KLHL8: variants seen among roughly 807,000 people sequenced by gnomAD.
KLHL8 encodes the protein kelch-like protein 8.
A neutral mutation model predicts 63.5 loss-of-function variants in KLHL8; 38 were observed. That is an observed-to-expected ratio of 0.60 (90% CI 0.46 to 0.78). KLHL8 has a LOEUF of 0.78. KLHL8 is among the 30% of genes least tolerant of loss of function. The probability of loss-of-function intolerance (pLI) is 0.00; values close to 1 mark genes in which losing one functional copy is unlikely to be tolerated. For synonymous variants in KLHL8, 224 were observed against 254.3 expected (o/e 0.88, Z 1.13); for missense variants, 566 against 752.4 (o/e 0.75, Z 2.90).
At chr4:87,219,280 G>A (rs1321652452) in intron 1 of KLHL8, among the ~76,000 whole-genome samples, 1 of 152,188 alleles carries the variant, frequency 6.6e-6, no homozygotes, top group Non-Finnish European at 1.5e-5. Flanking sequence ...GTACCCAAGA[G>A]TACCGCAGGG....
Position 87,195,517 on chromosome 4 carries a change from C to T in KLHL8, c.23G>A (p.Ser8Asn). Residue 8 changes from serine to asparagine, a missense_variant, in exon 2 of 10, where the codon AGT becomes AAT. Ser to Asn is a conservative substitution (Grantham distance 46, BLOSUM62 1). Transcript: ENST00000273963. MASDSMS[S>N]KQARNHITKG... ...TGTAATGTGATTCCTAGCTTGTTTA[C>T]TACTCATAGAATCTGAAGCCATTTG... is the stretch of plus-strand genomic sequence containing the variant. 1 of 1,613,356 alleles carries T rather than the reference C, an allele frequency of 6.2e-7. No individual in the cohort carries two copies. Among genetic ancestry groups the T allele is most frequent in the Non-Finnish European group, 8.5e-7 (1 of 1,179,830 alleles).
In KLHL8 at chr4:87,192,557, C is replaced by G. The variant is rs903757110; in HGVS notation, c.216+2767G>C. Reference sequence around the variant, plus strand: ...GCTACGCAGGCTTATATCCCAGCAACAACAAGCTATACCATATAGCCTATG... The same window carrying G: ...GCTACGCAGGCTTATATCCCAGCAAGAACAAGCTATACCATATAGCCTATG... On this transcript the variant is annotated intron_variant, in intron 2 of 9. Transcript: ENST00000273963. 3.9e-5 allele frequency among the ~76,000 whole-genome samples: 6 copies of G among 152,214 alleles called. No individual in the cohort carries two copies. In the South Asian group the frequency reaches 8.3e-4, roughly 21 times the overall value.
intron 1 of KLHL8, among the ~76,000 whole-genome samples, chr4:87,198,518 G>C (rs1211671057): frequency 1.3e-5 from 2 of 152,194 alleles, no homozygotes; most frequent in Non-Finnish European, 2.9e-5. Context: ...ATTGAAACAT[G>C]TAACAACCGG....
chr4:87,193,653 C>T (rs1731579841), intron 2 of KLHL8, among the ~76,000 whole-genome samples: 2 of 152,120 alleles, frequency 1.3e-5, no homozygotes, highest in Admixed American at 1.3e-4. Flanking sequence ...GTATTAGGCA[C>T]TATATATAAC....
intron 3 of KLHL8, among the ~76,000 whole-genome samples, chr4:87,184,836 AATCT>A (rs1731190245): frequency 6.6e-6 from 1 of 152,166 alleles, no homozygotes; most frequent in South Asian, 2.1e-4. Context: ...TTACATAATA[AATCT>A]ATCCACATTA....
At chr4:87,181,979 A>T (rs1048904720) in intron 4 of KLHL8, among the ~76,000 whole-genome samples, 34 of 152,150 alleles carry the variant, frequency 2.2e-4, no homozygotes, top group African/African-American at 8.0e-4. Flanking sequence ...CTGTAATCCC[A>T]GCACTTCGGG....
intron 1 of KLHL8, chr4:87,207,953 C>G: frequency 1.2e-6 from 1 of 838,214 alleles, no homozygotes; most frequent in East Asian, 2.5e-5. Context: ...AACAGCAACA[C>G]GCACTCTTCC....
intron 1 of KLHL8, among the ~76,000 whole-genome samples, chr4:87,225,710 T>C (rs559000124): frequency 6.6e-6 from 1 of 152,208 alleles, no homozygotes; most frequent in African/African-American, 2.4e-5. Flanking sequence ...CTATTTTAGG[T>C]AGTTTGGGGG....
chr4:87,186,045 ATTTT>A (rs574394669), intron 2 of KLHL8, among the ~76,000 whole-genome samples: 2,007 of 149,214 alleles, frequency 0.013, 47 homozygotes, highest in African/African-American at 0.047. Flanking sequence ...TTAAAAAAAA[ATTTT>A]TTTTTTTGAG....
chr4:87,216,496 T>C (rs965146256), intron 1 of KLHL8, among the ~76,000 whole-genome samples: 1 of 152,098 alleles, frequency 6.6e-6, no homozygotes, highest in Non-Finnish European at 1.5e-5. Context: ...ATTTAATTTT[T>C]CCCCAGAAAA....
intron 1 of KLHL8, chr4:87,207,383 G>C (rs1369981983): frequency 3.0e-6 from 2 of 670,838 alleles, no homozygotes; most frequent in African/African-American, 3.5e-5. Flanking sequence ...GAGTCCACTG[G>C]TGTTTTCACC....
intron 2 of KLHL8, among the ~76,000 whole-genome samples, chr4:87,186,287 AT>A (rs2109995812): frequency 6.6e-6 from 1 of 152,134 alleles, no homozygotes; most frequent in East Asian, 1.9e-4. Flanking sequence ...GCCTCAACTG[AT>A]TCACCTGCCT....
At chr4:87,212,852 G>C (rs1207752492) in intron 1 of KLHL8, among the ~76,000 whole-genome samples, 3 of 152,162 alleles carry the variant, frequency 2.0e-5, no homozygotes, top group Non-Finnish European at 4.4e-5. Flanking sequence ...ACACCACAGA[G>C]CCTAGGTGTG....
chr4:87,168,191 C>T (rs1730478972), intron 8 of KLHL8, among the ~76,000 whole-genome samples: 1 of 152,128 alleles, frequency 6.6e-6, no homozygotes, highest in Non-Finnish European at 1.5e-5. Context: ...GAAAGGCCCC[C>T]TTTTCCCAGC....
intron 1 of KLHL8, among the ~76,000 whole-genome samples, chr4:87,231,627 C>T (rs1318974177): frequency 5.3e-5 from 8 of 151,820 alleles, no homozygotes; most frequent in Non-Finnish European, 1.0e-4. Flanking sequence ...GATGGAGTCT[C>T]GCTCTGTCAC....
At chr4:87,178,783 C>T (rs912432369) in intron 4 of KLHL8, among the ~76,000 whole-genome samples, 163 bp from the exon 5 acceptor site, 30 of 152,194 alleles carry the variant, frequency 2.0e-4, no homozygotes, top group African/African-American at 7.2e-4. Context: ...CTTCTTGTCC[C>T]CTCAAAGAAT....
intron 1 of KLHL8, among the ~76,000 whole-genome samples, chr4:87,233,855 A>C (rs1387801375): frequency 1.3e-5 from 2 of 151,976 alleles, no homozygotes; most frequent in African/African-American, 4.8e-5. Context: ...TTGATTTTCT[A>C]TTTTAAACAA....
intron 6 of KLHL8, among the ~76,000 whole-genome samples, chr4:87,173,817 A>G (rs1304689538): frequency 2.0e-5 from 3 of 152,220 alleles, no homozygotes; most frequent in African/African-American, 4.8e-5. Flanking sequence ...TAATCCATGC[A>G]GTTATCACAT....
chr4:87,177,523 C>A (rs1730875264), intron 5 of KLHL8, among the ~76,000 whole-genome samples: 1 of 147,794 alleles, frequency 6.8e-6, no homozygotes, highest in Admixed American at 6.9e-5. Flanking sequence ...CACAAACAAA[C>A]AAACAAACAA....
Sources: gnomAD v4.1 joint callset for allele counts (sites outside exome capture counted in the v4.1 genomes callset) on GRCh38, gnomAD v4.1.1 for gene constraint, MANE v1.5 for transcripts, NCBI Gene and HGNC (gene_info 2026-07-23, HGNC 2026-07-21) for gene names.